Variants in ATE1 observed in about 807,000 individuals in gnomAD.
ATE1 encodes the protein arginyltransferase 1, also known as arginyl-tRNA--protein transferase 1.
A neutral mutation model predicts 70.5 loss-of-function variants in ATE1; 36 were observed. The ratio of observed to expected loss-of-function variants is 0.51; its 90% CI spans 0.39 to 0.67. The LOEUF (loss-of-function observed/expected upper bound fraction) is 0.67. Among genes scored for constraint, ATE1 ranks in the 30% least tolerant of loss-of-function variants. The pLI is 0.00. For missense variants in ATE1, 593 were observed against 629.5 expected (o/e 0.94, Z 0.62); for synonymous variants, 232 against 219.3 (o/e 1.06, Z -0.51).
intron 3 of ATE1, among the ~76,000 whole-genome samples, chr10:121,921,106 T>C (rs1951865331): frequency 6.6e-6 from 1 of 151,966 alleles, no homozygotes; most frequent in South Asian, 2.1e-4. Flanking sequence ...TCAGGGGGTA[T>C]AGGTACAGGC....
intron 10 of ATE1, among the ~76,000 whole-genome samples, chr10:121,803,131 C>T (rs192199449): frequency 2.0e-5 from 3 of 152,234 alleles, no homozygotes; most frequent in Admixed American, 2.0e-4. Flanking sequence ...CCCCTTCCAC[C>T]CCCTGACCTA....
intron 8 of ATE1, among the ~76,000 whole-genome samples, chr10:121,845,749 A>G (rs1948793688): frequency 1.3e-5 from 2 of 152,234 alleles, no homozygotes; most frequent in South Asian, 2.1e-4. Context: ...GGGAATTTAC[A>G]GATAAGCAAG....
At chr10:121,773,795 T>C (rs1339714324) in intron 11 of ATE1, among the ~76,000 whole-genome samples, 1 of 152,224 alleles carries the variant, frequency 6.6e-6, no homozygotes, top group South Asian at 2.1e-4. Flanking sequence ...AAACAAAGTA[T>C]TGTGACTAGA....
chr10:121,791,102 T>A (rs535849386), intron 10 of ATE1, among the ~76,000 whole-genome samples: 10,409 of 126,178 alleles, frequency 0.082, 545 homozygotes, highest in Non-Finnish European at 0.13. Context: ...ATATATTTTT[T>A]TTTTTTTTTG....
At chr10:121,809,751 T>C (rs1590358368) in intron 10 of ATE1, among the ~76,000 whole-genome samples, 1 of 152,002 alleles carries the variant, frequency 6.6e-6, no homozygotes, top group Non-Finnish European at 1.5e-5. Flanking sequence ...AAAAAAGTTA[T>C]GCAATGAGGT....
intron 10 of ATE1, among the ~76,000 whole-genome samples, chr10:121,811,972 T>C (rs867235768): frequency 3.4e-5 from 5 of 146,830 alleles, no homozygotes; most frequent in African/African-American, 1.3e-4. Flanking sequence ...TTTTTTTTTT[T>C]TTTTGAGACA....
chr10:121,922,448 AT>A, intron 2 of ATE1, 37 bp from the exon 3 acceptor site: 1 of 1,312,692 alleles, frequency 7.6e-7, no homozygotes, highest in Non-Finnish European at 1.1e-6. Flanking sequence ...TGTCTTATAT[AT>A]TTTTCACTTG....
chr10:121,873,302 T>G (rs1949924087), intron 7 of ATE1, among the ~76,000 whole-genome samples: 1 of 152,100 alleles, frequency 6.6e-6, no homozygotes, highest in African/African-American at 2.4e-5. Flanking sequence ...ATAAAAGGCA[T>G]CAGTACCATT....
intron 8 of ATE1, 31 bp downstream of exon 8, chr10:121,869,975 T>G: frequency 6.4e-7 from 1 of 1,571,026 alleles, no homozygotes; most frequent in Non-Finnish European, 8.7e-7. Flanking sequence ...AATTACCAAT[T>G]CTAATATTAA....
intron 10 of ATE1, among the ~76,000 whole-genome samples, chr10:121,811,437 C>G (rs889276225): frequency 6.6e-6 from 1 of 152,132 alleles, no homozygotes; most frequent in Non-Finnish European, 1.5e-5. Flanking sequence ...AAAATATTTA[C>G]AAATAAATAG....
intron 7 of ATE1, among the ~76,000 whole-genome samples, chr10:121,895,509 G>T (rs370667802): frequency 6.6e-6 from 1 of 152,066 alleles, no homozygotes; most frequent in Non-Finnish European, 1.5e-5. Flanking sequence ...AGCTACTCGG[G>T]AGGCTGAAGC....
intron 8 of ATE1, among the ~76,000 whole-genome samples, chr10:121,865,949 T>G (rs1949649107): frequency 6.6e-6 from 1 of 152,208 alleles, no homozygotes; most frequent in African/African-American, 2.4e-5. Flanking sequence ...GAAAGTGAAG[T>G]TTAAAGTCGG....
At chr10:121,927,195 G>T in intron 1 of ATE1, 2 of 985,426 alleles carry the variant, frequency 2.0e-6, no homozygotes, top group Non-Finnish European at 2.4e-6. Flanking sequence ...AAACAAACTT[G>T]TGGGCTGGCT....
intron 7 of ATE1, among the ~76,000 whole-genome samples, chr10:121,870,572 A>G (rs12240893): frequency 0.13 from 20,038 of 152,140 alleles, 1,516 homozygotes; most frequent in East Asian, 0.19. Context: ...TGTGGTCTTT[A>G]CCATGTTCTG....
chr10:121,792,314 G>A (rs771379744), intron 10 of ATE1, among the ~76,000 whole-genome samples: 6 of 152,198 alleles, frequency 3.9e-5, no homozygotes, highest in Non-Finnish European at 7.3e-5. Context: ...ATTCTGGGCA[G>A]CAGTCAGATG....
chr10:121,862,092 C>G (rs1159597706), intron 8 of ATE1, among the ~76,000 whole-genome samples: 1 of 152,168 alleles, frequency 6.6e-6, no homozygotes, highest in Non-Finnish European at 1.5e-5. Flanking sequence ...CAGCTCAGCC[C>G]TCTTCCTAGC....
At chr10:121,917,932 T>G (rs919478237) in intron 3 of ATE1, among the ~76,000 whole-genome samples, 1 of 152,242 alleles carries the variant, frequency 6.6e-6, no homozygotes, top group African/African-American at 2.4e-5. Flanking sequence ...AACAAGAAGC[T>G]AAGCTGTTAG....
chr10:121,781,606 T>C (rs1945992166), intron 11 of ATE1, among the ~76,000 whole-genome samples: 1 of 152,212 alleles, frequency 6.6e-6, no homozygotes, highest in Non-Finnish European at 1.5e-5. Context: ...CAAGGGACCA[T>C]TTCCCAAATA....
intron 7 of ATE1, among the ~76,000 whole-genome samples, chr10:121,890,921 T>G (rs903703047): frequency 3.9e-5 from 6 of 151,900 alleles, no homozygotes; most frequent in African/African-American, 1.5e-4. Flanking sequence ...ACACACATAC[T>G]GGATTAATTT....
Sources: gnomAD v4.1 joint callset for allele counts (sites outside exome capture counted in the v4.1 genomes callset) on GRCh38, gnomAD v4.1.1 for gene constraint, MANE v1.5 for transcripts, NCBI Gene and HGNC (gene_info 2026-07-23, HGNC 2026-07-21) for gene names.